STS: variants seen among roughly 807,000 people sequenced by gnomAD.
STS encodes steryl-sulfatase.
Under a neutral mutation model 26.8 loss-of-function variants are expected in STS, and 7 were observed. The observed-to-expected ratio is 0.26, with a 90% CI of 0.15 to 0.49. The LOEUF (loss-of-function observed/expected upper bound fraction) is 0.49, where lower values mean the gene tolerates loss of function less well. STS is among the 20% of genes least tolerant of loss of function. STS has a pLI of 0.98. For synonymous variants in STS, 199 were observed against 189.4 expected (o/e 1.05, Z -0.42); for missense variants, 434 against 465.6 (o/e 0.93, Z 0.63).
chrX:7,335,801 G>A (rs1170127785), intron 10 of STS, among the ~76,000 whole-genome samples: 1 of 111,775 alleles, frequency 8.9e-6, no homozygotes, highest in Non-Finnish European at 1.9e-5. Flanking sequence ...TGTAAGGAAG[G>A]GATCCAGTTT....
At chrX:7,334,213 C>G in intron 10 of STS, 106 bp downstream of exon 10, 4 of 1,082,417 alleles carry the variant, frequency 3.7e-6, no homozygotes, top group Non-Finnish European at 5.1e-6. Flanking sequence ...TGGAGGCCAA[C>G]AGGTGCCTCA....
chrX:7,203,197 C>A (rs1444789815), intron 2 of STS, among the ~76,000 whole-genome samples: 2 of 112,200 alleles, frequency 1.8e-5, no homozygotes, highest in Non-Finnish European at 3.8e-5. Context: ...AGGCCTTTGG[C>A]CTCAGGCTGA....
intron 10 of STS, among the ~76,000 whole-genome samples, chrX:7,343,467 C>T (rs181196290): frequency 8.9e-6 from 1 of 112,389 alleles, no homozygotes; most frequent in East Asian, 2.8e-4. Context: ...GACCCAGCCT[C>T]CTTCTGACAG....
chrX:7,272,217 CATAT>C lies in STS; in HGVS notation c.807-3719_807-3716del, dbSNP rs372911748. Among the ~76,000 whole-genome samples the C allele has an allele frequency of 2.6e-3, 247 of 94,037 alleles. 4 individuals are homozygous for C. Among genetic ancestry groups the C allele is most frequent in the African/African-American group, 9.3e-3 (233 of 25,165 alleles). The allele number at this position is 94,037 out of a possible 115,157, so 81.7% of individuals were successfully genotyped here. On this transcript the variant is annotated intron_variant, in intron 6 of 10. Coordinates refer to ENST00000674429, the MANE Select transcript of STS (RefSeq NM_001320752.2). ...CATAGAAGAAAAATTAATTTAATTA[CATAT>C]ATATATATATATATGTAGTCTTCTG...
chrX:7,271,064 T>C (rs1924247294), intron 6 of STS, among the ~76,000 whole-genome samples: 1 of 109,706 alleles, frequency 9.1e-6, no homozygotes, highest in Non-Finnish European at 1.9e-5. Flanking sequence ...AAGTCGAAAC[T>C]GGACTGGAGC....
chrX:7,273,692 T>C (rs1406636345), intron 6 of STS, among the ~76,000 whole-genome samples: 16 of 111,565 alleles, frequency 1.4e-4, no homozygotes, highest in African/African-American at 4.9e-4. Context: ...AGCATAAAAA[T>C]AGTCAATTTC....
At chrX:7,291,024 C>T (rs910334203) in intron 7 of STS, among the ~76,000 whole-genome samples, 5 of 111,633 alleles carry the variant, frequency 4.5e-5, no homozygotes, top group Non-Finnish European at 9.4e-5. Flanking sequence ...CCATAGCTCT[C>T]TTAGGGCACA....
intron 5 of STS, among the ~76,000 whole-genome samples, chrX:7,258,117 GATAGATAGAT>G (rs1295520597): frequency 7.5e-5 from 5 of 66,405 alleles, no homozygotes; most frequent in Non-Finnish European, 1.6e-4. Flanking sequence ...TAGATAGATA[GATAGATAGAT>G]AGATAGATAG....
intron 1 of STS, among the ~76,000 whole-genome samples, chrX:7,173,360 T>C (rs763050318): frequency 3.8e-4 from 43 of 111,961 alleles, no homozygotes; most frequent in South Asian, 7.5e-4. Context: ...TTTAGGTTGA[T>C]TCCATATCTT....
chrX:7,346,762 A>T (rs1414738110), intron 10 of STS, among the ~76,000 whole-genome samples: 3 of 112,658 alleles, frequency 2.7e-5, no homozygotes, highest in Non-Finnish European at 5.6e-5. Context: ...AGGACTAAAT[A>T]TACCTATGAA....
chrX:7,268,066 C>G (rs1282542457), intron 6 of STS, among the ~76,000 whole-genome samples: 1 of 110,036 alleles, frequency 9.1e-6, no homozygotes, highest in Non-Finnish European at 1.9e-5. Context: ...GAAAACACAC[C>G]AAGACATCAG....
At chrX:7,337,830 CT>C (rs778308796) in intron 10 of STS, among the ~76,000 whole-genome samples, 38 of 112,126 alleles carry the variant, frequency 3.4e-4, no homozygotes, top group Admixed American at 2.9e-3. Context: ...GTAGAACTGA[CT>C]GCAGATGTTT....
intron 2 of STS, among the ~76,000 whole-genome samples, chrX:7,237,012 A>T (rs1922345065): frequency 9.0e-6 from 1 of 111,030 alleles, no homozygotes; most frequent in African/African-American, 3.3e-5. Context: ...GCAAATTTAC[A>T]TCATAAGGCA....
At chrX:7,321,837 A>G (rs2147158504) in intron 8 of STS, among the ~76,000 whole-genome samples, 1 of 112,019 alleles carries the variant, frequency 8.9e-6, no homozygotes, top group South Asian at 3.8e-4. Context: ...CCTTAGCCCT[A>G]TGCTGTCTTT....
chrX:7,200,324 C>T (rs1490133083), intron 2 of STS, among the ~76,000 whole-genome samples: 2 of 111,171 alleles, frequency 1.8e-5, no homozygotes, highest in East Asian at 5.6e-4. Context: ...AAATTTTTGT[C>T]AGACATGTCG....
At chrX:7,291,474 T>C (rs1925413861) in intron 7 of STS, among the ~76,000 whole-genome samples, 1 of 112,287 alleles carries the variant, frequency 8.9e-6, no homozygotes, top group African/African-American at 3.2e-5. Context: ...TCCTTCTCAG[T>C]GCAAAATGGA....
intron 2 of STS, among the ~76,000 whole-genome samples, chrX:7,227,715 T>C (rs1290265753): frequency 8.9e-5 from 10 of 111,899 alleles, no homozygotes; most frequent in African/African-American, 3.2e-4. Flanking sequence ...ATGTTTTTAT[T>C]TGATAGTGAT....
intron 2 of STS, among the ~76,000 whole-genome samples, chrX:7,233,090 T>C (rs756133927): frequency 1.2e-5 from 1 of 86,284 alleles, no homozygotes; most frequent in Non-Finnish European, 2.3e-5. Context: ...TTTCTTTTTT[T>C]CTTTTTTTTT....
In STS at chrX:7,351,771, T is replaced by C. The variant is rs1446654906; in HGVS notation, c.*1510T>C. 3.6e-5 allele frequency: 4 copies of C among 110,514 alleles called. No individual in the cohort carries two copies. Among genetic ancestry groups the C allele is most frequent in the Non-Finnish European group, 7.6e-5 (4 of 52,915 alleles). 9.1% of individuals were successfully genotyped at this position (110,514 alleles called of 1,213,427 possible). Reference sequence around the variant, plus strand: ...AGCGGTTTGCAGAGAATGTTAGCCATGACTTGGGCTTTCTGAAAGTTGGCT... The same window carrying C: ...AGCGGTTTGCAGAGAATGTTAGCCACGACTTGGGCTTTCTGAAAGTTGGCT... On this transcript the variant is annotated 3_prime_UTR_variant, in exon 11 of 11. Coordinates refer to ENST00000674429, the MANE Select transcript of STS (RefSeq NM_001320752.2).
Sources: allele counts gnomAD v4.1 joint callset (sites outside exome capture counted in the v4.1 genomes callset), GRCh38; gene constraint gnomAD v4.1.1; transcripts MANE v1.5; gene names NCBI Gene and HGNC (gene_info 2026-07-23, HGNC 2026-07-21).